Variants in RNF145 observed in about 807,000 individuals in gnomAD.
RNF145 encodes ring finger protein 145.
In RNF145, 12 loss-of-function variants were observed where a neutral mutation model predicts 57.3. The ratio of observed to expected loss-of-function variants is 0.21; its 90% CI spans 0.13 to 0.34. RNF145 has a LOEUF of 0.34. Ranked by LOEUF, RNF145 falls within the 10% of genes least tolerant of loss-of-function variation. The probability of loss-of-function intolerance (pLI) is 1.00; values close to 1 mark genes in which losing one functional copy is unlikely to be tolerated. For missense variants in RNF145, 429 were observed against 799.0 expected (o/e 0.54, Z 5.58); for synonymous variants, 262 against 288.3 (o/e 0.91, Z 0.92).
At chr5:159,184,614 C>T (rs780504613) in intron 3 of RNF145, among the ~76,000 whole-genome samples, 17 of 152,106 alleles carry the variant, frequency 1.1e-4, no homozygotes, top group Non-Finnish European at 2.2e-4. Flanking sequence ...TATTTAAAAA[C>T]TACATCTTTT....
At chr5:159,181,839 A>G (rs546609689) in intron 4 of RNF145, 121 bp downstream of exon 4, 1 of 622,444 alleles carries the variant, frequency 1.6e-6, no homozygotes, top group African/African-American at 1.8e-5. Context: ...ATATGTGGGA[A>G]AAGTCCCCAT....
chr5:159,193,245 T>G (rs1313173753), intron 3 of RNF145, among the ~76,000 whole-genome samples: 1 of 152,218 alleles, frequency 6.6e-6, no homozygotes, highest in Admixed American at 6.5e-5. Flanking sequence ...TTGTGAGGAT[T>G]GCAAGAAATG....
In RNF145 at chr5:159,207,656, C is replaced by T. The variant is rs186591852; in HGVS notation, c.-40+1575G>A. The T allele has an allele frequency of 1.7e-5, 28 of 1,610,978 alleles. No individual in the cohort carries two copies. In the African/African-American group the frequency reaches 3.3e-4, roughly 19 times the overall value. On this transcript the variant is annotated intron_variant, in intron 1 of 10. Coordinates refer to ENST00000424310, the MANE Select transcript of RNF145 (RefSeq NM_001199383.2). ...AAGTAAAAGCCCAGAACTGAGATAC[C>T]AGGAAAGAGAACGCATTTCTTACAT...
rs546628449 is a variant in RNF145 at position 159,158,379 on chromosome 5, C to T, written c.*291G>A. The T allele has an allele frequency of 1.6e-4, 58 of 369,228 alleles. No individual in the cohort carries two copies. Among genetic ancestry groups the T allele is most frequent in the Admixed American group, 8.9e-4 (22 of 24,742 alleles). 22.9% of individuals were successfully genotyped at this position (369,228 alleles called of 1,614,324 possible). ...GATTTTATTTCTCTCTCACACGTATCAGGGGCAGTTTCTGAAGTTGCTGAG... is the reference window on the plus strand; with the variant it reads ...GATTTTATTTCTCTCTCACACGTATTAGGGGCAGTTTCTGAAGTTGCTGAG... On this transcript the variant is annotated 3_prime_UTR_variant, in exon 11 of 11. Coordinates refer to ENST00000424310, the MANE Select transcript of RNF145 (RefSeq NM_001199383.2).
chr5:159,166,638 C>A (rs1447884903), intron 8 of RNF145, among the ~76,000 whole-genome samples: 1 of 152,188 alleles, frequency 6.6e-6, no homozygotes. Flanking sequence ...TACCAGAGTT[C>A]CACCCATATG....
At chr5:159,173,672 A>T (rs746111820) in intron 6 of RNF145, among the ~76,000 whole-genome samples, 4 of 152,192 alleles carry the variant, frequency 2.6e-5, no homozygotes, top group Non-Finnish European at 5.9e-5. Context: ...TATTTTTATA[A>T]TATACTTTTT....
In RNF145 at chr5:159,162,913, T is replaced by A. The variant is rs772367552; in HGVS notation, c.1269+19A>T. 1 of 1,572,582 alleles carries A rather than the reference T, an allele frequency of 6.4e-7. No individual in the cohort carries two copies. The highest frequency in any genetic ancestry group is 8.6e-7 in the Non-Finnish European group (1 of 1,165,978). ...AACAAAATTGGTTATTATATAGAGT[T>A]AATTAATCATAGGCTTACCTGAAGA... On this transcript the variant is annotated intron_variant, in intron 9 of 10. Coordinates refer to ENST00000424310, the MANE Select transcript of RNF145 (RefSeq NM_001199383.2).
intron 1 of RNF145, among the ~76,000 whole-genome samples, chr5:159,208,939 G>A (rs377446883): frequency 9.2e-5 from 14 of 151,850 alleles, no homozygotes; most frequent in African/African-American, 3.1e-4. Context: ...CGAGGCCCGG[G>A]AGCTGGAACA....
At chr5:159,176,206 G>A (rs1004979937) in intron 5 of RNF145, among the ~76,000 whole-genome samples, 1 of 152,038 alleles carries the variant, frequency 6.6e-6, no homozygotes, top group African/African-American at 2.4e-5. Flanking sequence ...TTGACTTATA[G>A]GTATTCAATT....
intron 6 of RNF145, 95 bp downstream of exon 6, chr5:159,173,888 T>C (rs1784633124): frequency 1.2e-6 from 1 of 865,230 alleles, no homozygotes. Flanking sequence ...TTGTGTAACA[T>C]GAACGATAAA....
chr5:159,183,447 A>G (rs1331533102), intron 3 of RNF145, among the ~76,000 whole-genome samples: 2 of 152,174 alleles, frequency 1.3e-5, no homozygotes, highest in Admixed American at 6.5e-5. Context: ...TCCAGTCCAA[A>G]ATGTCAACTG....
At chr5:159,188,460 C>T (rs924077297) in intron 3 of RNF145, among the ~76,000 whole-genome samples, 6 of 151,634 alleles carry the variant, frequency 4.0e-5, no homozygotes, top group African/African-American at 1.5e-4. Context: ...TGGATGTGAC[C>T]ACACCCTCAC....
intron 4 of RNF145, 86 bp downstream of exon 4, chr5:159,181,874 T>TA (rs938372994): frequency 5.5e-4 from 409 of 739,752 alleles, no homozygotes; most frequent in Middle Eastern, 1.7e-3. Flanking sequence ...AATTCCGTTT[T>TA]AAAAAAAAAT....
chr5:159,162,287 CTT>C (rs1784242431), intron 9 of RNF145, among the ~76,000 whole-genome samples: 1 of 152,098 alleles, frequency 6.6e-6, no homozygotes, highest in African/African-American at 2.4e-5. Flanking sequence ...GCTCTAAAAA[CTT>C]TTAATATTTT....
intron 7 of RNF145, among the ~76,000 whole-genome samples, chr5:159,169,451 G>A (rs1270877765): frequency 1.3e-5 from 2 of 152,134 alleles, no homozygotes; most frequent in Non-Finnish European, 2.9e-5. Context: ...TCTAGGGAAG[G>A]AAGGTGCCCA....
chr5:159,194,857 A>T (rs776026614), intron 2 of RNF145, 33 bp from the exon 3 acceptor site: 1 of 1,406,258 alleles, frequency 7.1e-7, no homozygotes, highest in South Asian at 1.2e-5. Context: ...ATACAATTTT[A>T]ATTTAGTTTC....
At chr5:159,209,804 C>G (rs1057426326), upstream of RNF145, 1 of 1,510,342 alleles carries the variant, frequency 6.6e-7, no homozygotes, top group Admixed American at 2.0e-5. Flanking sequence ...CACACGTGCT[C>G]TCTCACTCCC....
At chr5:159,176,006 GC>G (rs1784708763) in intron 5 of RNF145, among the ~76,000 whole-genome samples, 1 of 152,084 alleles carries the variant, frequency 6.6e-6, no homozygotes, top group Non-Finnish European at 1.5e-5. Context: ...TAGAGCAAAG[GC>G]TGAAAAAAGT....
chr5:159,181,561 A>G lies in RNF145; in HGVS notation c.385+399T>C, dbSNP rs987089158. ...TCTGCTACCTGAATATTTCAATCAC[A>G]TCTCAAGTTCTTGATGTTTCCGGAC... On this transcript the variant is annotated intron_variant, in intron 4 of 10. Transcript: ENST00000424310. 2.6e-5 allele frequency among the ~76,000 whole-genome samples: 4 copies of G among 152,240 alleles called. No individual in the cohort carries two copies. In the East Asian group the frequency reaches 5.8e-4, roughly 22 times the overall value.
Sources: gnomAD v4.1 joint callset for allele counts (sites outside exome capture counted in the v4.1 genomes callset) on GRCh38, gnomAD v4.1.1 for gene constraint, MANE v1.5 for transcripts, NCBI Gene and HGNC (gene_info 2026-07-23, HGNC 2026-07-21) for gene names.